Variants in SLC25A41 observed in about 807,000 individuals in gnomAD.
The protein encoded by SLC25A41 is solute carrier family 25 member 41.
In SLC25A41, 35 loss-of-function variants were observed where a neutral mutation model predicts 34.7. That is an observed-to-expected ratio of 1.01 (90% CI 0.77 to 1.34). The LOEUF is 1.34. SLC25A41 is among the 40% of genes most tolerant of loss of function. SLC25A41 has a pLI of 0.00. For synonymous variants in SLC25A41, 190 were observed against 209.9 expected (o/e 0.91, Z 0.82); for missense variants, 492 against 489.8 (o/e 1.00, Z -0.04).
chr19:6,429,133 T>TATATG, intron 4 of SLC25A41, among the ~76,000 whole-genome samples: 1 of 8,778 alleles, frequency 1.1e-4, no homozygotes, highest in Non-Finnish European at 1.8e-4. Flanking sequence ...ATATATGTTA[T>TATATG]ATATATATAT....
chr19:6,431,524 C>G (rs2092285456), intron 2 of SLC25A41, among the ~76,000 whole-genome samples: 1 of 152,030 alleles, frequency 6.6e-6, no homozygotes, highest in Non-Finnish European at 1.5e-5. Context: ...ACTGCAACCT[C>G]CATCTCCTGG....
intron 3 of SLC25A41, 26 bp downstream of exon 3, chr19:6,429,983 G>T: frequency 6.2e-7 from 1 of 1,607,782 alleles, no homozygotes. Context: ...GCTTGAGCTG[G>T]GGGAAGCAGG....
At chr19:6,434,558 G>A (rs1471898746), upstream of SLC25A41, among the ~76,000 whole-genome samples, 1 of 152,146 alleles carries the variant, frequency 6.6e-6, no homozygotes, top group Non-Finnish European at 1.5e-5. Context: ...CCTTATAGCA[G>A]CCTGGGCTGA....
intron 2 of SLC25A41, 102 bp from the exon 3 acceptor site, chr19:6,430,263 C>T (rs1299817361): frequency 1.9e-5 from 25 of 1,316,238 alleles, no homozygotes; most frequent in Non-Finnish European, 2.5e-5. Context: ...AGCCACCCAA[C>T]CCCAACCCAT....
Position 6,426,283 on chromosome 19 carries a change from A to T in SLC25A41, c.*106T>A. On this transcript the variant is annotated 3_prime_UTR_variant, in exon 7 of 7. Coordinates refer to ENST00000321510, the MANE Select transcript of SLC25A41 (RefSeq NM_173637.4). Reference sequence around the variant, plus strand: ...CCCCAGCCTGCTTTTGCCACCAAAAACTGCCCCAGGGCCTGAACCTTGAGG... The same window carrying T: ...CCCCAGCCTGCTTTTGCCACCAAAATCTGCCCCAGGGCCTGAACCTTGAGG... 1.3e-6 allele frequency: 1 copy of T among 791,348 alleles called. No individual in the cohort carries two copies. Among genetic ancestry groups the T allele is most frequent in the Non-Finnish European group, 1.7e-6 (1 of 587,486 alleles). The allele number at this position is 791,348 out of a possible 1,614,324, so 49.0% of individuals were successfully genotyped here.
intron 2 of SLC25A41, 50 bp downstream of exon 2, chr19:6,431,999 C>T: frequency 1.3e-6 from 2 of 1,573,450 alleles, no homozygotes; most frequent in Non-Finnish European, 1.7e-6. Flanking sequence ...CCCACGTTCT[C>T]CCCAGTGGCT....
chr19:6,426,274 C>T lies in SLC25A41; in HGVS notation c.*115G>A. The T allele has an allele frequency of 1.9e-6, 1 of 522,180 alleles. No homozygotes were observed. Among genetic ancestry groups the T allele is most frequent in the Non-Finnish European group, 2.7e-6 (1 of 367,746 alleles). 32.3% of individuals were successfully genotyped at this position (522,180 alleles called of 1,614,324 possible). A position where few individuals can be genotyped will look rare whatever the true frequency, so the allele number is the denominator to read the frequency against. On this transcript the variant is annotated 3_prime_UTR_variant, in exon 7 of 7. Transcript: ENST00000321510. ...CACCCCCACCCCCAGCCTGCTTTTG[C>T]CACCAAAAACTGCCCCAGGGCCTGA...
chr19:6,426,414 G>C lies in SLC25A41; in HGVS notation c.1088C>G (p.Ala363Gly). ...AGGISYVVYE[A>G]MKKTLGI ...CTATATGCCCAGGGTTTTCTTCATG[G>C]CTTCGTACACCACATAGCTGATGCC... The change falls in exon 7 of 7, where the codon GCC (alanine) becomes GGC (glycine). Residue 363 changes from alanine to glycine, a missense_variant. Ala to Gly is a moderately conservative substitution (Grantham distance 60). Transcript: ENST00000321510. The C allele has an allele frequency of 6.2e-7, 1 of 1,613,742 alleles. No individual in the cohort carries two copies. The highest frequency in any genetic ancestry group is 1.7e-5 in the Admixed American group (1 of 60,014).
rs2092291279 is a variant in SLC25A41 at position 6,432,674 on chromosome 19, G to A, written c.208-470C>T. Among the ~76,000 whole-genome samples the A allele has an allele frequency of 2.7e-5, 4 of 149,814 alleles. No individual in the cohort carries two copies. In the South Asian group the frequency reaches 8.6e-4, roughly 32 times the overall value. The stretch of plus-strand genomic sequence containing the variant: ...GGTGCGATCTTGGCTCACTGCAACC[G>A]CTGTCCCCCTGGTTCAAGCGATTCT... On this transcript the variant is annotated intron_variant, in intron 1 of 6. Transcript: ENST00000321510.
At position 6,433,694 on chromosome 19, in the gene SLC25A41, G is replaced by A; in HGVS notation, c.-1C>T. Reference sequence around the variant, plus strand: ...GAGGTTCCCCAGGCTGAGCGCCCATGGAGGAAGTTAGGACACCTGGCTTCA... The same window carrying A: ...GAGGTTCCCCAGGCTGAGCGCCCATAGAGGAAGTTAGGACACCTGGCTTCA... On this transcript the variant is annotated 5_prime_UTR_variant, in exon 1 of 7. Transcript: ENST00000321510. 6.5e-7 allele frequency: 1 copy of A among 1,548,676 alleles called. No individual in the cohort carries two copies. The highest frequency in any genetic ancestry group is 8.7e-7 in the Non-Finnish European group (1 of 1,143,880).
Position 6,427,502 on chromosome 19 carries a change from C to G in SLC25A41, c.625-1G>C. The G allele has an allele frequency of 6.6e-7, 1 of 1,521,952 alleles. No homozygotes were observed. Among genetic ancestry groups the G allele is most frequent in the Middle Eastern group, 1.7e-4 (1 of 5,766 alleles). 94.3% of individuals were successfully genotyped at this position (1,521,952 alleles called of 1,614,324 possible). A position where few individuals can be genotyped will look rare whatever the true frequency, so the allele number is the denominator to read the frequency against. ...GCAAGGTCAACCGCGTCTTCAGCACCTGAGGATGGCGGGGAACAAGGCAGC... is the reference window on the plus strand; with the variant it reads ...GCAAGGTCAACCGCGTCTTCAGCACGTGAGGATGGCGGGGAACAAGGCAGC... On this transcript the variant is annotated splice_acceptor_variant, in intron 4 of 6. Transcript: ENST00000321510. LOFTEE classifies it high-confidence loss of function. This position sits in a 1 kb window ranked among gnomAD's most constrained non-coding sequence, Gnocchi z 4.9.
Position 6,429,048 on chromosome 19 carries a change from AT to A in SLC25A41, c.624+675del, listed in dbSNP as rs1206164520. 8.1e-3 allele frequency among the ~76,000 whole-genome samples: 310 copies of A among 38,120 alleles called. 72 individuals carry two copies. Among genetic ancestry groups the A allele is most frequent in the Admixed American group, 0.022 (33 of 1,528 alleles). 25.0% of individuals were successfully genotyped at this position (38,120 alleles called of 152,430 possible). On this transcript the variant is annotated intron_variant, in intron 4 of 6. Coordinates refer to ENST00000321510, the MANE Select transcript of SLC25A41 (RefSeq NM_173637.4). Reference sequence around the variant, plus strand: ...TTATATATATATATATAATATATATATTATATATATGTTATATATATATATA... The same window carrying A: ...TTATATATATATATATAATATATATATATATATATGTTATATATATATATA...
upstream of SLC25A41, among the ~76,000 whole-genome samples, chr19:6,434,913 A>G (rs1231908495): frequency 1.3e-5 from 2 of 151,070 alleles, no homozygotes; most frequent in Non-Finnish European, 2.9e-5. Context: ...CATCTCAAAC[A>G]AACAACAACA....
At position 6,427,586 on chromosome 19, in the gene SLC25A41, C is replaced by T; in HGVS notation, c.625-85G>A. The T allele has an allele frequency of 7.3e-7, 1 of 1,376,978 alleles. No individual in the cohort carries two copies. The highest frequency in any genetic ancestry group is 9.5e-7 in the Non-Finnish European group (1 of 1,051,278). The allele number at this position is 1,376,978 out of a possible 1,614,324, so 85.3% of individuals were successfully genotyped here. A position where few individuals can be genotyped will look rare whatever the true frequency, so the allele number is the denominator to read the frequency against. Reference sequence around the variant, plus strand: ...GTAGCCATTGTCCCCACCCTACAAACAAGGAAAATGAGGCTCAGGAAGGCA... The same window carrying T: ...GTAGCCATTGTCCCCACCCTACAAATAAGGAAAATGAGGCTCAGGAAGGCA... On this transcript the variant is annotated intron_variant, in intron 4 of 6. Transcript: ENST00000321510. This position sits in a 1 kb window ranked among gnomAD's most constrained non-coding sequence, Gnocchi z 4.9.
chr19:6,429,331 GT>G (rs2092269827), intron 4 of SLC25A41, among the ~76,000 whole-genome samples: 7 of 55,006 alleles, frequency 1.3e-4, no homozygotes, highest in Non-Finnish European at 2.2e-4. Context: ...GGAGAAAGAG[GT>G]AAAGGGGGAA....
At position 6,426,245 on chromosome 19, in the gene SLC25A41, G is replaced by GCCCCC; in HGVS notation, c.*143_*144insGGGGG. ...AGCTTCAGGAATCTTCTGACCCAGAGCCCCACCCCCACCCCCAGCCTGCTT... is the reference window on the plus strand; with the variant it reads ...AGCTTCAGGAATCTTCTGACCCAGAGCCCCCCCCCACCCCCACCCCCAGCCTGCTT... On this transcript the variant is annotated 3_prime_UTR_variant, in exon 7 of 7. Transcript: ENST00000321510. 1.8e-6 allele frequency: 1 copy of GCCCCC among 555,694 alleles called. No individual in the cohort carries two copies. The highest frequency in any genetic ancestry group is 2.8e-6 in the Non-Finnish European group (1 of 360,490). 34.4% of individuals were successfully genotyped at this position (555,694 alleles called of 1,614,324 possible). A position where few individuals can be genotyped will look rare whatever the true frequency, so the allele number is the denominator to read the frequency against.
Position 6,427,223 on chromosome 19 carries a change from C to T in SLC25A41, c.820G>A (p.Gly274Ser). ...CCACTGGGGTCCCCCATATCCCTGC[C>T]TGACTTCACCCAGAAGCACTGGAGC... The part of the protein sequence containing the change: ...EMLQCFWVKS[G>S]RDMGDPSGLV... Residue 274 changes from glycine to serine, a missense_variant, in exon 6 of 7, where the codon GGC (glycine) becomes AGC (serine). Gly to Ser is a moderately conservative substitution (Grantham distance 56, BLOSUM62 0). Coordinates refer to ENST00000321510, the MANE Select transcript of SLC25A41 (RefSeq NM_173637.4). The surrounding 1 kb of genome is among the most constrained non-coding windows in gnomAD (Gnocchi z 4.9). 2 of 1,612,758 alleles carry T rather than the reference C, an allele frequency of 1.2e-6. No individual in the cohort carries two copies. The highest frequency in any genetic ancestry group is 1.7e-6 in the Non-Finnish European group (2 of 1,179,832).
Position 6,427,525 on chromosome 19 carries a change from A to G in SLC25A41, c.625-24T>C, listed in dbSNP as rs1489605441. The G allele has an allele frequency of 1.4e-6, 2 of 1,477,568 alleles. No individual in the cohort carries two copies. The highest frequency in any genetic ancestry group is 2.8e-5 in the African/African-American group (2 of 71,474). 91.5% of individuals were successfully genotyped at this position (1,477,568 alleles called of 1,614,324 possible). ...ACCTGAGGATGGCGGGGAACAAGGC[A>G]GCTCATTTGATTGAATCCTGTCAAT... On this transcript the variant is annotated intron_variant, in intron 4 of 6. Transcript: ENST00000321510. This position sits in a 1 kb window ranked among gnomAD's most constrained non-coding sequence, Gnocchi z 4.9.
intron 2 of SLC25A41, 35 bp downstream of exon 2, chr19:6,432,014 C>T (rs764911107): frequency 3.8e-6 from 6 of 1,586,696 alleles, no homozygotes; most frequent in African/African-American, 2.7e-5. Context: ...GTGGCTCCAG[C>T]GCTGGGTCCC....
Sources: gnomAD v4.1 joint callset for allele counts (sites outside exome capture counted in the v4.1 genomes callset) on GRCh38, gnomAD v4.1.1 for gene constraint, Gnocchi (gnomAD v3.1) non-coding constraint, MANE v1.5 for transcripts, NCBI Gene and HGNC (gene_info 2026-07-23, HGNC 2026-07-21) for gene names.